Variants in CDK14 observed in about 807,000 individuals in gnomAD.
The protein encoded by CDK14 is cyclin-dependent kinase 14.
Under a neutral mutation model 60.7 loss-of-function variants are expected in CDK14, and 34 were observed. That is an observed-to-expected ratio of 0.56 (90% CI 0.43 to 0.75). The LOEUF is 0.75. Among genes scored for constraint, CDK14 ranks in the 30% least tolerant of loss-of-function variants. The probability of loss-of-function intolerance (pLI) is 0.00; values close to 1 mark genes in which losing one functional copy is unlikely to be tolerated. For missense variants in CDK14, 482 were observed against 564.1 expected, an observed-to-expected ratio of 0.85 and a Z score of 1.47; for synonymous variants, 197 against 203.7, an observed-to-expected ratio of 0.97 and a Z score of 0.28.
intron 7 of CDK14, among the ~76,000 whole-genome samples, chr7:90,914,509 A>C (rs1299534658): frequency 6.6e-6 from 1 of 152,144 alleles, no homozygotes; most frequent in Non-Finnish European, 1.5e-5. Flanking sequence ...CACCTAGCAC[A>C]TATGGTTGGC....
chr7:90,611,779 C>T lies in CDK14; in HGVS notation c.123+7530C>T, dbSNP rs149035045. Among the ~76,000 whole-genome samples the T allele has an allele frequency of 2.7e-3, 405 of 151,958 alleles. 2 individuals carry two copies. The highest frequency in any genetic ancestry group is 9.1e-3 in the African/African-American group (376 of 41,462). On this transcript the variant is annotated intron_variant, in intron 2 of 14. Transcript: ENST00000380050. ...CTAGCTTATCTTTCAAGGCCTTTCACGATCTATCTCTTTCGTACCTTTTGA... is the reference window on the plus strand; with the variant it reads ...CTAGCTTATCTTTCAAGGCCTTTCATGATCTATCTCTTTCGTACCTTTTGA...
chr7:90,596,825 G>T, intron 1 of CDK14, 107 bp downstream of exon 1: 1 of 945,780 alleles, frequency 1.1e-6, no homozygotes. Flanking sequence ...GCTGGCGTGG[G>T]GTGCGTTGTA....
chr7:91,088,469 G>T lies in CDK14; in HGVS notation c.1154+8989G>T, dbSNP rs529927470. On this transcript the variant is annotated intron_variant, in intron 12 of 14. Coordinates refer to ENST00000380050, the MANE Select transcript of CDK14 (RefSeq NM_001287135.2). ...CAACTCCCAACACAATTATTTTTCTGTCTTCTCTGAAAGAATATTTTAAAA... is the reference window on the plus strand; with the variant it reads ...CAACTCCCAACACAATTATTTTTCTTTCTTCTCTGAAAGAATATTTTAAAA... 2.8e-4 allele frequency among the ~76,000 whole-genome samples: 42 copies of T among 152,078 alleles called. No homozygotes were observed. The South Asian group carries it at 8.7e-3, about 32-fold the overall frequency.
chr7:90,984,051 G>A (rs1251093120), intron 9 of CDK14, 97 bp from the exon 10 acceptor site: 33 of 791,186 alleles, frequency 4.2e-5, no homozygotes, highest in Admixed American at 9.8e-5. Flanking sequence ...TTTACTCACC[G>A]CTTCTCTTCT....
intron 9 of CDK14, among the ~76,000 whole-genome samples, chr7:90,959,051 T>G (rs1794519833): frequency 6.6e-6 from 1 of 152,130 alleles, no homozygotes; most frequent in Non-Finnish European, 1.5e-5. Flanking sequence ...TTTTTCTTCC[T>G]CGTGTGTGTG....
chr7:90,882,683 A>G (rs1791802909), intron 6 of CDK14, among the ~76,000 whole-genome samples: 1 of 152,186 alleles, frequency 6.6e-6, no homozygotes. Context: ...AGAATCAACC[A>G]AATTAATTGG....
chr7:90,688,795 T>G (rs1228607899), intron 2 of CDK14, among the ~76,000 whole-genome samples: 3 of 152,172 alleles, frequency 2.0e-5, no homozygotes, highest in African/African-American at 7.2e-5. Context: ...CAGAGACAGT[T>G]TGGAACAGCG....
Position 90,740,861 on chromosome 7 carries a change from C to G in CDK14, c.370-6820C>G, listed in dbSNP as rs77701663. ...AAATGGGAGCAGATTACTTAGATGA[C>G]TTTAAGGCAAAATATTTAATTGAAA... On this transcript the variant is annotated intron_variant, in intron 3 of 14. Coordinates refer to ENST00000380050, the MANE Select transcript of CDK14 (RefSeq NM_001287135.2). Among the ~76,000 whole-genome samples, 1,405 of 152,236 alleles carry G rather than the reference C, an allele frequency of 9.2e-3. 23 individuals are homozygous for G. Among genetic ancestry groups the G allele is most frequent in the African/African-American group, 0.031 (1,279 of 41,536 alleles).
At chr7:91,156,424 T>G (rs1800985223) in intron 14 of CDK14, among the ~76,000 whole-genome samples, 1 of 152,224 alleles carries the variant, frequency 6.6e-6, no homozygotes. Flanking sequence ...AACGGCTGTT[T>G]GACAACGATT....
In CDK14 at chr7:90,765,704, A is replaced by G. The variant is rs185974145; in HGVS notation, c.464+17929A>G. 8.4e-3 allele frequency among the ~76,000 whole-genome samples: 1,285 copies of G among 152,188 alleles called. 19 individuals are homozygous for G. The highest frequency in any genetic ancestry group is 0.011 in the Non-Finnish European group (742 of 68,006). On this transcript the variant is annotated intron_variant, in intron 4 of 14. Transcript: ENST00000380050. ...GATGAAAAAATGTAGGGTAAAATAC[A>G]TATAAGCTACTCTTTTTAGCAGTGA...
intron 14 of CDK14, among the ~76,000 whole-genome samples, chr7:91,182,658 G>A (rs1802041131): frequency 6.6e-6 from 1 of 151,992 alleles, no homozygotes; most frequent in Non-Finnish European, 1.5e-5. Context: ...CCCTCTCTTA[G>A]GTAAATGGTG....
intron 6 of CDK14, among the ~76,000 whole-genome samples, chr7:90,865,892 T>C (rs1791163166): frequency 6.6e-6 from 1 of 152,162 alleles, no homozygotes; most frequent in South Asian, 2.1e-4. Flanking sequence ...GTTTGTAAGA[T>C]AGACCCAGGC....
In CDK14 at chr7:90,955,815, G is replaced by C. The variant is rs959432374; in HGVS notation, c.945G>C (p.Met315Ile). ...GSTEYSTCLDMWGVGCIFVEM... is the reference protein window; with the variant it reads ...GSTEYSTCLDIWGVGCIFVEM... ...CAGAATATTCCACCTGCCTTGACATGTGGTGAGAAATGGAAGCTTTACTCT... is the reference window on the plus strand; with the variant it reads ...CAGAATATTCCACCTGCCTTGACATCTGGTGAGAAATGGAAGCTTTACTCT... Residue 315 changes from methionine to isoleucine, a missense_variant and splice_region_variant, in exon 9 of 15, where the codon ATG becomes ATC. Physicochemically the swap from Met to Ile is conservative, Grantham distance 10. Transcript: ENST00000380050. 4 of 1,612,764 alleles carry C rather than the reference G, an allele frequency of 2.5e-6. No individual in the cohort carries two copies. The highest frequency in any genetic ancestry group is 1.3e-5 in the African/African-American group (1 of 74,872).
intron 2 of CDK14, among the ~76,000 whole-genome samples, chr7:90,689,496 A>C (rs1801509802): frequency 6.6e-6 from 1 of 152,150 alleles, no homozygotes; most frequent in Non-Finnish European, 1.5e-5. Flanking sequence ...AATGAAAATG[A>C]AAATGTTTAA....
At chr7:90,841,486 G>C (rs1790288150) in intron 5 of CDK14, among the ~76,000 whole-genome samples, 1 of 151,918 alleles carries the variant, frequency 6.6e-6, no homozygotes, top group African/African-American at 2.4e-5. Context: ...AAAAATAAAA[G>C]TAATATACAA....
intron 10 of CDK14, among the ~76,000 whole-genome samples, chr7:91,025,683 C>T (rs969581840): frequency 1.3e-5 from 2 of 152,174 alleles, no homozygotes; most frequent in African/African-American, 4.8e-5. Flanking sequence ...GGAAATGCTA[C>T]ATTATTGAGG....
chr7:90,964,708 A>G (rs2117605128), intron 9 of CDK14, among the ~76,000 whole-genome samples: 1 of 152,032 alleles, frequency 6.6e-6, no homozygotes, highest in East Asian at 1.9e-4. Flanking sequence ...TTGATTTACT[A>G]TTTTCGACAC....
At chr7:90,899,067 T>C (rs117114292) in intron 6 of CDK14, among the ~76,000 whole-genome samples, 2,185 of 151,848 alleles carry the variant, frequency 0.014, 21 homozygotes, top group Non-Finnish European at 0.022. Context: ...TTTTAATATA[T>C]AGAAATATTT....
chr7:91,168,910 C>T (rs1801430136), intron 14 of CDK14, among the ~76,000 whole-genome samples: 1 of 152,164 alleles, frequency 6.6e-6, no homozygotes, highest in African/African-American at 2.4e-5. Context: ...CAGCCATGAT[C>T]CGGCCCCCTC....
Sources: allele counts gnomAD v4.1 joint callset (sites outside exome capture counted in the v4.1 genomes callset), GRCh38; gene constraint gnomAD v4.1.1; transcripts MANE v1.5; gene names NCBI Gene and HGNC (gene_info 2026-07-23, HGNC 2026-07-21).